DGKQ: variants seen among roughly 807,000 people sequenced by gnomAD.
DGKQ encodes DAG kinase theta.
Under a neutral mutation model 104.2 loss-of-function variants are expected in DGKQ, and 97 were observed. That is an observed-to-expected ratio of 0.93 (90% CI 0.79 to 1.10). DGKQ has a LOEUF of 1.10. DGKQ is among the 50% of genes least tolerant of loss of function. The pLI, the probability that DGKQ is intolerant of heterozygous loss-of-function variation, is 0.00. For synonymous variants in DGKQ, 736 were observed against 595.2 expected (o/e 1.24, Z -3.44); for missense variants, 1,465 against 1,352.1 (o/e 1.08, Z -1.31).
intron 8 of DGKQ, 65 bp downstream of exon 8, chr4:967,456 GGCGCCAGGTTGGGGGAGCCAGGTCAGGT>G (rs1455765158): frequency 1.9e-4 from 280 of 1,446,978 alleles, no homozygotes; most frequent in Non-Finnish European, 2.5e-4. Flanking sequence ...GTGGGTGAGG[GGCGCCAGGTTGGGGGAGCCAGGTCAGGT>G]GCGCCAGGTG....
intron 10 of DGKQ, 50 bp downstream of exon 10, chr4:966,914 G>A (rs781669817): frequency 2.2e-5 from 34 of 1,545,442 alleles, no homozygotes; most frequent in Admixed American, 1.2e-4. Flanking sequence ...TGGGGACAGC[G>A]ACCCCCCACC....
rs201925522 is a variant in DGKQ, at chr4:960,661, G to A, written c.2788C>T (p.Arg930Trp). The A allele has an allele frequency of 2.0e-4, 319 of 1,612,226 alleles. 1 individual carries two copies. The highest frequency in any genetic ancestry group is 1.7e-4 in the Middle Eastern group (1 of 6,054). Reference sequence around the variant, plus strand: ...TCAGGGGCAGGCGCAGCATCCGCCCGGGCATCCCTGGTGGTCCCGGCCCTC... The same window carrying A: ...TCAGGGGCAGGCGCAGCATCCGCCCAGGCATCCCTGGTGGTCCCGGCCCTC... ...PRRAGTTRDA[R>W]ADAAPAPESD... The change falls in exon 23 of 23, where the codon CGG becomes TGG. Residue 930 changes from arginine (R) to tryptophan (W), a missense_variant. Coordinates refer to ENST00000273814, the MANE Select transcript of DGKQ (RefSeq NM_001347.4).
At position 967,270 on chromosome 4, in the gene DGKQ, C is replaced by G; in HGVS notation, c.1079G>C (p.Trp360Ser). 3 of 1,551,112 alleles carry G rather than the reference C, an allele frequency of 1.9e-6. No homozygotes were observed. The highest frequency in any genetic ancestry group is 2.4e-5 in the South Asian group (2 of 84,962). The change falls in exon 9 of 23, where the codon TGG becomes TCG. Residue 360 changes from tryptophan (W) to serine (S), a missense_variant. Coordinates refer to ENST00000273814, the MANE Select transcript of DGKQ (RefSeq NM_001347.4). ...LPPSSQACDA[W>S]AGGKAGSAVI... ...AGCACTCCCAGCCTTGCCCCCAGCC[C>G]AGGCGTCACAGGCCTGAGAGGAAGG...
rs1351553858 is a variant in DGKQ at position 973,484 on chromosome 4, C to T, written c.-2G>A. ...CCCGGGCTCGGCCGCCGCCGCCATT[C>T]CCGGCCCGAGCGGCCCGAGCCCCTT... On this transcript the variant is annotated 5_prime_UTR_variant, in exon 1 of 23. Coordinates refer to ENST00000273814, the MANE Select transcript of DGKQ (RefSeq NM_001347.4). 5.1e-6 allele frequency: 5 copies of T among 986,702 alleles called. No individual in the cohort carries two copies. Among genetic ancestry groups the T allele is most frequent in the Non-Finnish European group, 6.0e-6 (5 of 831,958 alleles). The allele number at this position is 986,702 out of a possible 1,614,324, so 61.1% of individuals were successfully genotyped here.
At chr4:970,109 G>T (rs1398789902) in intron 2 of DGKQ, among the ~76,000 whole-genome samples, 1 of 152,264 alleles carries the variant, frequency 6.6e-6, no homozygotes, top group Non-Finnish European at 1.5e-5. Flanking sequence ...CCGGCCTAAG[G>T]CCTCCTGCTC....
At chr4:962,725 A>C (rs2153008132) in intron 17 of DGKQ, 47 bp downstream of exon 17, 1 of 1,596,326 alleles carries the variant, frequency 6.3e-7, no homozygotes, top group Non-Finnish European at 8.5e-7. Context: ...CTGCACAGGA[A>C]GGGGTAGACC....
chr4:962,782 G>A lies in DGKQ; in HGVS notation c.2025C>T (p.Pro675=), dbSNP rs1168763687. Residue 675 remains proline (P), a synonymous_variant, in exon 17 of 23, where the codon CCC becomes CCT. Transcript: ENST00000273814. ...ACPEPSVAIL[P]LGTGNDLGRV... ...CACGGCTGAGCCCACCTGTGCCCAG[G>A]GGCAGGATGGCCACAGAAGGCTCCG... 2 of 1,605,516 alleles carry A rather than the reference G, an allele frequency of 1.2e-6. No individual in the cohort carries two copies. The highest frequency in any genetic ancestry group is 1.3e-5 in the African/African-American group (1 of 74,834).
chr4:962,135 T>G (rs116777977), intron 18 of DGKQ, 53 bp from the exon 19 acceptor site: 56,381 of 1,480,810 alleles, frequency 0.038, 1,392 homozygotes, highest in East Asian at 0.11. Flanking sequence ...CCAGGCCCCC[T>G]GAGCTCCCCA....
chr4:960,876 C>G (rs1468214117), intron 22 of DGKQ, 155 bp from the exon 23 acceptor site: 2 of 985,248 alleles, frequency 2.0e-6, no homozygotes, highest in Non-Finnish European at 2.4e-6. Context: ...CCTGTGCCAC[C>G]TGTGGCCCGC....
chr4:961,328 G>A lies in DGKQ; in HGVS notation c.2575-127C>T, dbSNP rs539239626. On this transcript the variant is annotated intron_variant, in intron 21 of 22. Coordinates refer to ENST00000273814, the MANE Select transcript of DGKQ (RefSeq NM_001347.4). ...CCCACCCTGGACCTGGCCCTGGGGC[G>A]GGAGAGGCCAGCCGGGCTCAGCGGG... is the stretch of plus-strand genomic sequence containing the variant. 148 of 1,252,814 alleles carry A rather than the reference G, an allele frequency of 1.2e-4. 1 individual carries two copies. The highest frequency in any genetic ancestry group is 2.9e-4 in the Admixed American group (10 of 34,792). The allele number at this position is 1,252,814 out of a possible 1,614,324, so 77.6% of individuals were successfully genotyped here. A position where few individuals can be genotyped will look rare whatever the true frequency, so the allele number is the denominator to read the frequency against.
At position 961,757 on chromosome 4, in the gene DGKQ, C is replaced by T. The variant is rs1295797587; in HGVS notation, c.2393G>A (p.Arg798Gln). ...SHSRSLHKQI[R>Q]LQVERQEVEL... ...CACCTCCTGCCGCTCCACCTGCAGC[C>T]GGATCTGCTTGTGCAGGCTCCGAGA... The change falls in exon 20 of 23, where the codon CGG becomes CAG. Residue 798 changes from arginine to glutamine, a missense_variant. Physicochemically the swap from Arg to Gln is conservative, Grantham distance 43. Transcript: ENST00000273814. 3.1e-6 allele frequency: 5 copies of T among 1,612,436 alleles called. No individual in the cohort carries two copies. The highest frequency in any genetic ancestry group is 1.3e-5 in the African/African-American group (1 of 74,898).
At chr4:970,305 G>C (rs1040471782) in intron 2 of DGKQ, among the ~76,000 whole-genome samples, 5 of 152,262 alleles carry the variant, frequency 3.3e-5, no homozygotes, top group Admixed American at 6.5e-5. Context: ...GACTTGGGGG[G>C]CCTCAGTCTG....
intron 12 of DGKQ, 29 bp from the exon 13 acceptor site, chr4:966,107 C>G: frequency 5.7e-6 from 9 of 1,570,962 alleles, no homozygotes; most frequent in Non-Finnish European, 7.8e-6. Flanking sequence ...GGATGCTGGG[C>G]CGGGGAGAAC....
rs1712911738 is a variant in DGKQ, at chr4:971,281, C to T, written c.272-209G>A. On this transcript the variant is annotated intron_variant, in intron 1 of 22. Transcript: ENST00000273814. This position sits in a 1 kb window ranked among gnomAD's most constrained non-coding sequence, Gnocchi z 4.0. ...GGAGCAAGAACCTGGGTGGTCCTGA[C>T]CATCCTGGAGGACAATGAGTGTATC... Among the ~76,000 whole-genome samples, 1 of 152,194 alleles carries T rather than the reference C, an allele frequency of 6.6e-6. No individual in the cohort carries two copies. The highest frequency in any genetic ancestry group is 1.5e-5 in the Non-Finnish European group (1 of 68,040).
At chr4:965,778 C>T in intron 13 of DGKQ, 150 bp downstream of exon 13, 1 of 961,808 alleles carries the variant, frequency 1.0e-6, no homozygotes, top group Non-Finnish European at 1.5e-6. Context: ...GGCTCCAGAG[C>T]CTCTTGGAGG....
chr4:967,994 C>T lies in DGKQ; in HGVS notation c.697G>A (p.Glu233Lys), dbSNP rs936504965. ...GAGCGCAGACGCCCGAAGCCACACT[C>T]GGGAGCCAGCGCCGCGGAGCAGAGG... ...HSLCSAALAP[E>K]CGFGRLRSLV... is the part of the protein sequence containing the mutation. The change falls in exon 6 of 23, where the codon GAG becomes AAG. Residue 233 changes from glutamate to lysine, a missense_variant. Physicochemically the swap from Glu to Lys is moderately conservative, Grantham distance 56. Coordinates refer to ENST00000273814, the MANE Select transcript of DGKQ (RefSeq NM_001347.4). 1.7e-5 allele frequency: 25 copies of T among 1,463,580 alleles called. No individual in the cohort carries two copies. In the African/African-American group the frequency reaches 2.8e-4, roughly 16 times the overall value. The allele number at this position is 1,463,580 out of a possible 1,614,324, so 90.7% of individuals were successfully genotyped here. A position where few individuals can be genotyped will look rare whatever the true frequency, so the allele number is the denominator to read the frequency against.
chr4:960,907 C>T, intron 22 of DGKQ, 142 bp downstream of exon 22: 1 of 1,493,818 alleles, frequency 6.7e-7, no homozygotes. Flanking sequence ...GCACAGCCCT[C>T]CTCTGAAGCA....
At position 967,345 on chromosome 4, in the gene DGKQ, G is replaced by A. The variant is rs771429348; in HGVS notation, c.1004C>T (p.Ala335Val). 5 of 1,534,094 alleles carry A rather than the reference G, an allele frequency of 3.3e-6. No homozygotes were observed. The South Asian group carries it at 4.8e-5, about 15-fold the overall frequency. The change falls in exon 9 of 23, where the codon GCC becomes GTC. Residue 335 changes from alanine (A) to valine (V), a missense_variant. Physicochemically the swap from Ala to Val is moderately conservative, Grantham distance 64. Coordinates refer to ENST00000273814, the MANE Select transcript of DGKQ (RefSeq NM_001347.4). ...AEEVLEAALRAHHIPEDPGHL... is the reference protein window; with the variant it reads ...AEEVLEAALRVHHIPEDPGHL... ...GCCAGGGTCCTCGGGGATGTGGTGGGCCCGCAGTGCGGCCTCCTGCAGGGC... is the reference window on the plus strand; with the variant it reads ...GCCAGGGTCCTCGGGGATGTGGTGGACCCGCAGTGCGGCCTCCTGCAGGGC...
At chr4:962,202 C>A in intron 18 of DGKQ, 120 bp from the exon 19 acceptor site, 1 of 980,686 alleles carries the variant, frequency 1.0e-6, no homozygotes, top group Non-Finnish European at 1.5e-6. Context: ...CCAAGCCGAG[C>A]ACCCAGGAGA....
Sources: gnomAD v4.1 joint callset for allele counts (sites outside exome capture counted in the v4.1 genomes callset) on GRCh38, gnomAD v4.1.1 for gene constraint, Gnocchi (gnomAD v3.1) non-coding constraint, MANE v1.5 for transcripts, NCBI Gene and HGNC (gene_info 2026-07-23, HGNC 2026-07-21) for gene names.